The following DLGAP1 variants were observed in gnomAD, a reference collection of about 807,000 sequenced individuals.
DLGAP1 encodes the protein DLG associated protein 1, also known as disks large-associated protein 1.
In DLGAP1, 11 loss-of-function variants were observed where a neutral mutation model predicts 90.8. The observed-to-expected ratio is 0.12, with a 90% CI of 0.08 to 0.20. The LOEUF (loss-of-function observed/expected upper bound fraction) is 0.20, where lower values mean the gene tolerates loss of function less well. Ranked by LOEUF, DLGAP1 falls within the 10% of genes least tolerant of loss-of-function variation. The pLI is 1.00. For missense variants in DLGAP1, 1,050 were observed against 1,333.8 expected (o/e 0.79, Z 3.31); for synonymous variants, 558 against 540.7 (o/e 1.03, Z -0.44).
intron 1 of DLGAP1, among the ~76,000 whole-genome samples, chr18:4,417,867 A>G (rs554152879): frequency 5.3e-5 from 8 of 152,292 alleles, no homozygotes; most frequent in African/African-American, 1.9e-4. Flanking sequence ...AAATGAGAAC[A>G]ACAGAGAACA....
chr18:4,132,664 G>C (rs1308987014), intron 2 of DLGAP1, among the ~76,000 whole-genome samples: 1 of 152,114 alleles, frequency 6.6e-6, no homozygotes, highest in Non-Finnish European at 1.5e-5. Context: ...AAGAGAGCCT[G>C]GTGTCCTGCT....
At chr18:4,215,927 G>C (rs1371759209) in intron 1 of DLGAP1, among the ~76,000 whole-genome samples, 2 of 151,858 alleles carry the variant, frequency 1.3e-5, no homozygotes, top group Non-Finnish European at 2.9e-5. Flanking sequence ...TTATACTAGG[G>C]ACATAGACAA....
At chr18:3,626,721 C>T (rs2058309856) in intron 7 of DLGAP1, among the ~76,000 whole-genome samples, 1 of 151,690 alleles carries the variant, frequency 6.6e-6, no homozygotes, top group Non-Finnish European at 1.5e-5. Flanking sequence ...GCCTGCCCAA[C>T]ATGGAAAAAT....
intron 2 of DLGAP1, among the ~76,000 whole-genome samples, chr18:4,023,499 C>G (rs2074648344): frequency 6.6e-6 from 1 of 152,146 alleles, no homozygotes. Flanking sequence ...TTCTTGGAAC[C>G]TAATTTTTGC....
chr18:4,435,206 G>A (rs184674120), intron 1 of DLGAP1, among the ~76,000 whole-genome samples: 6 of 152,272 alleles, frequency 3.9e-5, no homozygotes, highest in African/African-American at 1.2e-4. Flanking sequence ...CAGGTATCAC[G>A]TACCAGAGAA....
chr18:3,594,689 T>G (rs1599423661), intron 7 of DLGAP1, among the ~76,000 whole-genome samples: 2 of 152,230 alleles, frequency 1.3e-5, no homozygotes, highest in East Asian at 3.9e-4. Context: ...AAGGCCATGT[T>G]TTTTAAGGTG....
At chr18:3,924,332 G>T (rs540245178) in intron 3 of DLGAP1, among the ~76,000 whole-genome samples, 4 of 152,290 alleles carry the variant, frequency 2.6e-5, no homozygotes, top group African/African-American at 9.6e-5. Context: ...AACAAAACCA[G>T]TTCCACTACA....
At chr18:4,355,443 A>T (rs113989277) in intron 1 of DLGAP1, among the ~76,000 whole-genome samples, 38 of 152,346 alleles carry the variant, frequency 2.5e-4, no homozygotes, top group African/African-American at 8.9e-4. Context: ...GTACCAGGGG[A>T]TAGGAATAAA....
At chr18:3,968,832 C>T (rs184516459) in intron 3 of DLGAP1, among the ~76,000 whole-genome samples, 136 of 152,082 alleles carry the variant, frequency 8.9e-4, no homozygotes, top group African/African-American at 3.3e-3. Context: ...TTCCTTGTCC[C>T]TGCCCAGCTA....
chr18:4,255,315 C>A (rs2078866291), intron 1 of DLGAP1, among the ~76,000 whole-genome samples: 1 of 152,026 alleles, frequency 6.6e-6, no homozygotes, highest in African/African-American at 2.4e-5. Flanking sequence ...GCTCTTAATT[C>A]TTGTGTTTAT....
At chr18:4,357,157 C>CTTTTTTTTT (rs554248097) in intron 1 of DLGAP1, among the ~76,000 whole-genome samples, 10 of 108,744 alleles carry the variant, frequency 9.2e-5, no homozygotes, top group South Asian at 3.3e-4. Flanking sequence ...TGTTTTTTTC[C>CTTTTTTTTT]TTTTTTTTTT....
intron 2 of DLGAP1, among the ~76,000 whole-genome samples, chr18:4,115,145 G>A (rs1196729666): frequency 6.6e-6 from 1 of 151,816 alleles, no homozygotes; most frequent in Admixed American, 6.6e-5. Flanking sequence ...GATGTCTCTA[G>A]TGCTTACCAT....
Position 3,879,689 on chromosome 18 carries a change from G to A in DLGAP1, c.380C>T (p.Ala127Val). The change falls in exon 4 of 13, where the codon GCC becomes GTC. Residue 127 changes from alanine (A) to valine (V), a missense_variant. Physicochemically the swap from Ala to Val is moderately conservative, Grantham distance 64 (BLOSUM62 0). Transcript: ENST00000315677. This position sits in a 1 kb window ranked among gnomAD's most constrained non-coding sequence, Gnocchi z 6.6. The part of the protein sequence containing the change: ...GYHTLQYKRT[A>V]VEHRSDSPGR... ...GGGGCTGTCGCTGCGGTGCTCCACG[G>A]CCGTGCGCTTGTACTGCAGGGTGTG... 2 of 1,607,694 alleles carry A rather than the reference G, an allele frequency of 1.2e-6. No homozygotes were observed. Among genetic ancestry groups the A allele is most frequent in the Non-Finnish European group, 1.7e-6 (2 of 1,179,752 alleles).
In DLGAP1 at chr18:4,121,548, T is replaced by C. The variant is rs866383438; in HGVS notation, c.-159+29632A>G. On this transcript the variant is annotated intron_variant, in intron 2 of 12. Coordinates refer to ENST00000315677, the MANE Select transcript of DLGAP1 (RefSeq NM_004746.4). ...TCCCCCAGGTGATGTCTGGTTATCC[T>C]GGCCTGCCTTCATCAAGAATCCTGT... 4.6e-5 allele frequency among the ~76,000 whole-genome samples: 7 copies of C among 152,280 alleles called. No individual in the cohort carries two copies. The South Asian group carries it at 8.3e-4, about 18-fold the overall frequency.
At chr18:4,132,272 C>A (rs2076328613) in intron 2 of DLGAP1, among the ~76,000 whole-genome samples, 1 of 152,086 alleles carries the variant, frequency 6.6e-6, no homozygotes, top group South Asian at 2.1e-4. Context: ...TTAGTGAAGA[C>A]CCTGACTAAG....
At chr18:3,617,180 T>C (rs528502587) in intron 7 of DLGAP1, among the ~76,000 whole-genome samples, 41 of 152,304 alleles carry the variant, frequency 2.7e-4, no homozygotes, top group African/African-American at 9.9e-4. Flanking sequence ...ACATTAAGTT[T>C]TGGGGGTGAT....
chr18:3,549,774 A>G (rs1671673873), intron 9 of DLGAP1, among the ~76,000 whole-genome samples: 1 of 152,204 alleles, frequency 6.6e-6, no homozygotes, highest in Non-Finnish European at 1.5e-5. Context: ...AGGAAATATC[A>G]TTCACAACTG....
At chr18:3,930,719 C>T (rs1167710389) in intron 3 of DLGAP1, among the ~76,000 whole-genome samples, 1 of 152,144 alleles carries the variant, frequency 6.6e-6, no homozygotes, top group African/African-American at 2.4e-5. Context: ...CTGAGGGACA[C>T]TGATGCCACT....
intron 9 of DLGAP1, among the ~76,000 whole-genome samples, chr18:3,549,567 G>C (rs770877738): frequency 6.6e-6 from 1 of 152,080 alleles, no homozygotes; most frequent in Admixed American, 6.5e-5. Context: ...TCCTGACCTC[G>C]TGATCCACCC....
Sources: allele counts gnomAD v4.1 joint callset (sites outside exome capture counted in the v4.1 genomes callset), GRCh38; gene constraint gnomAD v4.1.1; non-coding constraint Gnocchi (gnomAD v3.1); transcripts MANE v1.5; gene names NCBI Gene and HGNC (gene_info 2026-07-23, HGNC 2026-07-21).